MGAT4C: variants seen among roughly 807,000 people sequenced by gnomAD.
MGAT4C encodes the protein alpha-1,3-mannosyl-glycoprotein 4-beta-N-acetylglucosaminyltransferase C.
MGAT4C carries 19 observed loss-of-function variants against 40.1 expected under a neutral mutation model. The ratio of observed to expected loss-of-function variants is 0.47; its 90% CI spans 0.33 to 0.70. The LOEUF (loss-of-function observed/expected upper bound fraction) is 0.70, where lower values mean the gene tolerates loss of function less well. MGAT4C is among the 30% of genes least tolerant of loss of function. The pLI is 0.02. For missense variants in MGAT4C, 491 were observed against 563.2 expected (o/e 0.87, Z 1.30); for synonymous variants, 181 against 187.1 (o/e 0.97, Z 0.27).
chr12:86,357,759 C>A (rs1955350603), intron 3 of MGAT4C, among the ~76,000 whole-genome samples: 2 of 151,954 alleles, frequency 1.3e-5, no homozygotes, highest in South Asian at 4.2e-4. Context: ...TGAAATGAAG[C>A]AAGAAGAGAA....
chr12:86,228,532 CCT>C (rs1951187512), intron 1 of MGAT4C, among the ~76,000 whole-genome samples: 1 of 151,738 alleles, frequency 6.6e-6, no homozygotes, highest in Non-Finnish European at 1.5e-5. Context: ...ATCAGGGGAA[CCT>C]CTTTTGGGGA....
Position 86,401,674 on chromosome 12 carries a change from G to A in MGAT4C, c.-120+33483C>T, listed in dbSNP as rs1027723629. On this transcript the variant is annotated intron_variant, in intron 3 of 7. Coordinates refer to the MGAT4C transcript ENST00000548651. ...AAGTAGAAAGAAGTCTTCACTTCAC[G>A]TCTTGTGACATATTTCTAGCTTCCA... 2.6e-5 allele frequency among the ~76,000 whole-genome samples: 4 copies of A among 152,134 alleles called. No homozygotes were observed. The South Asian group carries it at 6.2e-4, about 24-fold the overall frequency.
At chr12:86,218,806 A>G (rs1449957293) in intron 1 of MGAT4C, among the ~76,000 whole-genome samples, 1 of 152,212 alleles carries the variant, frequency 6.6e-6, no homozygotes, top group African/African-American at 2.4e-5. Context: ...AGACTGATCC[A>G]AGTCAAAATG....
intron 1 of MGAT4C, among the ~76,000 whole-genome samples, chr12:86,204,876 T>C (rs1950190609): frequency 6.6e-6 from 1 of 151,990 alleles, no homozygotes; most frequent in South Asian, 2.1e-4. Flanking sequence ...AACATACAGA[T>C]ACACAGTTTT....
At chr12:86,312,994 A>G (rs1954117788) in intron 4 of MGAT4C, among the ~76,000 whole-genome samples, 1 of 152,158 alleles carries the variant, frequency 6.6e-6, no homozygotes, top group African/African-American at 2.4e-5. Flanking sequence ...GTTTTTTGAT[A>G]TGTGAAATTT....
intron 2 of MGAT4C, among the ~76,000 whole-genome samples, chr12:86,596,390 G>A (rs1412481678): frequency 1.3e-5 from 2 of 152,110 alleles, no homozygotes; most frequent in Non-Finnish European, 2.9e-5. Context: ...AATCCCTTTA[G>A]GCCCGGGGAC....
intron 2 of MGAT4C, among the ~76,000 whole-genome samples, chr12:86,565,707 C>T (rs2136414604): frequency 6.6e-6 from 1 of 152,282 alleles, no homozygotes; most frequent in South Asian, 2.1e-4. Flanking sequence ...TCTGAGTGGT[C>T]AAAAACTGTG....
At chr12:86,793,235 A>C (rs1237574432) in intron 1 of MGAT4C, among the ~76,000 whole-genome samples, 2 of 152,090 alleles carry the variant, frequency 1.3e-5, no homozygotes, top group Non-Finnish European at 2.9e-5. Flanking sequence ...TCGTGCTATT[A>C]AAGATGCAAC....
chr12:86,404,075 C>T (rs537571205), intron 3 of MGAT4C, among the ~76,000 whole-genome samples: 12 of 152,078 alleles, frequency 7.9e-5, no homozygotes, highest in South Asian at 4.1e-4. Context: ...CATAGCTACT[C>T]GAGAGGCTGA....
intron 2 of MGAT4C, among the ~76,000 whole-genome samples, chr12:86,700,069 A>ATAGATAGATAAGG (rs1950330308): frequency 2.0e-5 from 3 of 150,400 alleles, no homozygotes; most frequent in Non-Finnish European, 4.4e-5. Flanking sequence ...GATAGATAAG[A>ATAGATAGATAAGG]TAGATAGATA....
intron 3 of MGAT4C, among the ~76,000 whole-genome samples, chr12:86,432,085 G>C (rs1025952563): frequency 2.0e-5 from 3 of 152,052 alleles, no homozygotes; most frequent in Non-Finnish European, 2.9e-5. Context: ...AGTTAGGAGA[G>C]TGTTAAGGAG....
In MGAT4C at chr12:86,084,624, C is replaced by T. The variant is rs193004772; in HGVS notation, c.-56-34901G>A. On this transcript the variant is annotated intron_variant, in intron 1 of 4. Transcript: ENST00000611864. ...CCCCACCTATATTTATGGGTGTTAG[C>T]GCAACTGCTTTGCTAGTTGCAAAGC... 2.0e-4 allele frequency among the ~76,000 whole-genome samples: 30 copies of T among 151,426 alleles called. No homozygotes were observed. In the East Asian group the frequency reaches 5.4e-3, roughly 27 times the overall value.
chr12:86,662,951 A>C lies in MGAT4C; in HGVS notation c.-229+64258T>G, dbSNP rs560313233. Among the ~76,000 whole-genome samples, 3 of 152,274 alleles carry C rather than the reference A, an allele frequency of 2.0e-5. No homozygotes were observed. The East Asian group carries it at 5.8e-4, about 29-fold the overall frequency. On this transcript the variant is annotated intron_variant, in intron 2 of 7. Transcript: ENST00000548651. ...TTAGTTAATAAAATACATATTTGTT[A>C]ATTGCAGTTAAAGTAATTTCCATGC...
chr12:86,458,932 TTA>T (rs1957551221), intron 2 of MGAT4C, among the ~76,000 whole-genome samples: 1 of 41,364 alleles, frequency 2.4e-5, no homozygotes, highest in South Asian at 1.9e-3. Context: ...TCCAGTGACT[TTA>T]TTTTTTTTTT....
intron 4 of MGAT4C, among the ~76,000 whole-genome samples, chr12:86,326,292 C>A (rs570838706): frequency 7.4e-6 from 1 of 135,400 alleles, no homozygotes; most frequent in East Asian, 2.2e-4. Context: ...CTGCAGTATT[C>A]TCATCACACA....
chr12:86,043,923 G>A (rs1188660390), intron 2 of MGAT4C, among the ~76,000 whole-genome samples: 1 of 152,194 alleles, frequency 6.6e-6, no homozygotes, highest in Non-Finnish European at 1.5e-5. Context: ...ACCAGCGTGG[G>A]TCATTTTGAG....
chr12:86,155,574 G>A (rs1272984728), intron 1 of MGAT4C, among the ~76,000 whole-genome samples: 1 of 152,110 alleles, frequency 6.6e-6, no homozygotes, highest in Non-Finnish European at 1.5e-5. Context: ...GAGAGATGGT[G>A]GCATTATTTA....
At position 86,603,263 on chromosome 12, in the gene MGAT4C, CTATAA is replaced by C. The variant is rs1284902740; in HGVS notation, c.-229+123941_-229+123945del. Among the ~76,000 whole-genome samples the C allele has an allele frequency of 1.2e-4, 16 of 138,058 alleles. No individual in the cohort carries two copies. In the East Asian group the frequency reaches 2.3e-3, roughly 20 times the overall value. The allele number at this position is 138,058 out of a possible 152,430, so 90.6% of individuals were successfully genotyped here. On this transcript the variant is annotated intron_variant, in intron 2 of 7. Coordinates refer to the MGAT4C transcript ENST00000548651. ...ATATAATGGTATATATACTATATAA[CTATAA>C]TATAATTATAATTAATTATATATAG...
intron 2 of MGAT4C, among the ~76,000 whole-genome samples, chr12:86,547,764 T>A (rs1959204911): frequency 6.6e-6 from 1 of 152,104 alleles, no homozygotes; most frequent in South Asian, 2.1e-4. Context: ...TTTTGCTAAG[T>A]CTTGTCTGAT....
Sources: allele counts gnomAD v4.1 joint callset (sites outside exome capture counted in the v4.1 genomes callset), GRCh38; gene constraint gnomAD v4.1.1; transcripts MANE v1.5; gene names NCBI Gene and HGNC (gene_info 2026-07-23, HGNC 2026-07-21).